Variants in FAM135B observed in about 807,000 individuals in gnomAD.
FAM135B encodes the protein protein FAM135B.
A neutral mutation model predicts 127.7 loss-of-function variants in FAM135B; 43 were observed. The ratio of observed to expected loss-of-function variants is 0.34; its 90% CI spans 0.26 to 0.43. The LOEUF (loss-of-function observed/expected upper bound fraction) is 0.43. Among genes scored for constraint, FAM135B ranks in the 20% least tolerant of loss-of-function variants. The probability of loss-of-function intolerance (pLI) is 1.00; values close to 1 mark genes in which losing one functional copy is unlikely to be tolerated. For synonymous variants in FAM135B, 670 were observed against 665.1 expected, an observed-to-expected ratio of 1.01 and a Z score of -0.11; for missense variants, 1,558 against 1,725.6, an observed-to-expected ratio of 0.90 and a Z score of 1.72.
intron 9 of FAM135B, among the ~76,000 whole-genome samples, chr8:138,182,194 G>A (rs1815112595): frequency 6.6e-6 from 1 of 152,202 alleles, no homozygotes; most frequent in African/African-American, 2.4e-5. Flanking sequence ...TCTTTGGGAG[G>A]ATTATGTTGC....
chr8:138,485,178 TAC>T (rs1385825621), intron 1 of FAM135B, among the ~76,000 whole-genome samples: 1 of 152,254 alleles, frequency 6.6e-6, no homozygotes, highest in Non-Finnish European at 1.5e-5. Context: ...CAGCAGAGTT[TAC>T]AGACTGTAAT....
At position 138,473,995 on chromosome 8, in the gene FAM135B, A is replaced by G. The variant is rs181514727; in HGVS notation, c.-20+22676T>C. ...TACATTTGTTTGTTATGCACACCAC[A>G]TAAAGATCAGCATTCCATCTTTCAT... is the stretch of plus-strand genomic sequence containing the variant. On this transcript the variant is annotated intron_variant, in intron 1 of 19. Coordinates refer to ENST00000395297, the MANE Select transcript of FAM135B (RefSeq NM_015912.4). Among the ~76,000 whole-genome samples the G allele has an allele frequency of 2.6e-5, 4 of 152,332 alleles. No individual in the cohort carries two copies. The East Asian group carries it at 7.7e-4, about 29-fold the overall frequency.
At chr8:138,253,641 C>T (rs892513948) in intron 5 of FAM135B, among the ~76,000 whole-genome samples, 6 of 152,204 alleles carry the variant, frequency 3.9e-5, no homozygotes, top group African/African-American at 1.4e-4. Context: ...TCCTCCCGAG[C>T]TGTGACAACC....
intron 1 of FAM135B, among the ~76,000 whole-genome samples, chr8:138,402,311 T>C (rs1833200282): frequency 6.6e-6 from 1 of 152,202 alleles, no homozygotes; most frequent in East Asian, 1.9e-4. Flanking sequence ...AAGGGATTTC[T>C]CAGTTTTTCG....
intron 1 of FAM135B, among the ~76,000 whole-genome samples, chr8:138,474,939 C>T (rs567161633): frequency 2.6e-5 from 4 of 152,246 alleles, no homozygotes; most frequent in East Asian, 1.9e-4. Flanking sequence ...CTTAACCACC[C>T]GGTTCATTGT....
At chr8:138,218,009 T>G (rs1016977459) in intron 7 of FAM135B, among the ~76,000 whole-genome samples, 7 of 152,220 alleles carry the variant, frequency 4.6e-5, no homozygotes, top group African/African-American at 1.7e-4. Flanking sequence ...AAACTATTAA[T>G]GGAAGTCATA....
In FAM135B at chr8:138,226,184, T is replaced by TGTGTGTGTGCGCGCGCGC; in HGVS notation, c.669+16757_669+16758insGCGCGCGCGCACACACAC. On this transcript the variant is annotated intron_variant, in intron 7 of 19. Coordinates refer to ENST00000395297, the MANE Select transcript of FAM135B (RefSeq NM_015912.4). ...GTGTGTGTGTGTGTGTGTGTGTGTG[T>TGTGTGTGTGCGCGCGCGC]GCGCGCATGTCATTTTTTTTTTCAT... Among the ~76,000 whole-genome samples, 460 of 139,274 alleles carry TGTGTGTGTGCGCGCGCGC rather than the reference T, an allele frequency of 3.3e-3. 3 individuals are homozygous for TGTGTGTGTGCGCGCGCGC. Among genetic ancestry groups the TGTGTGTGTGCGCGCGCGC allele is most frequent in the African/African-American group, 0.012 (438 of 37,284 alleles). The allele number at this position is 139,274 out of a possible 152,430, so 91.4% of individuals were successfully genotyped here. A position where few individuals can be genotyped will look rare whatever the true frequency, so the allele number is the denominator to read the frequency against.
intron 7 of FAM135B, among the ~76,000 whole-genome samples, chr8:138,221,807 C>G (rs1767214151): frequency 2.0e-5 from 3 of 152,154 alleles, no homozygotes; most frequent in African/African-American, 7.2e-5. Flanking sequence ...TAACCACATC[C>G]AATTACAAAG....
chr8:138,156,338 A>C (rs1163515667), intron 12 of FAM135B, among the ~76,000 whole-genome samples: 2 of 152,226 alleles, frequency 1.3e-5, no homozygotes, highest in Non-Finnish European at 2.9e-5. Flanking sequence ...CCACAAGAGA[A>C]AGCAGGAAAG....
chr8:138,203,922 C>T lies in FAM135B; in HGVS notation c.670-6253G>A, dbSNP rs565398200. ...TAGATTCTCATAAGGAATGGGCAACCTAGATCCCTCCCATGTACAGTTCAC... is the reference window on the plus strand; with the variant it reads ...TAGATTCTCATAAGGAATGGGCAACTTAGATCCCTCCCATGTACAGTTCAC... On this transcript the variant is annotated intron_variant, in intron 7 of 19. Coordinates refer to ENST00000395297, the MANE Select transcript of FAM135B (RefSeq NM_015912.4). Among the ~76,000 whole-genome samples the T allele has an allele frequency of 7.2e-5, 11 of 152,254 alleles. No individual in the cohort carries two copies. In the East Asian group the frequency reaches 2.1e-3, roughly 29 times the overall value.
At chr8:138,409,394 G>C (rs888727783) in intron 1 of FAM135B, among the ~76,000 whole-genome samples, 1 of 152,068 alleles carries the variant, frequency 6.6e-6, no homozygotes, top group African/African-American at 2.4e-5. Context: ...ACTAATCATG[G>C]ATCACCGCAG....
At chr8:138,367,856 A>C in intron 2 of FAM135B, 51 bp downstream of exon 2, 1 of 1,364,274 alleles carries the variant, frequency 7.3e-7, no homozygotes, top group South Asian at 1.2e-5. Context: ...GGAAAGAAAC[A>C]AACAACACAC....
chr8:138,442,174 C>G (rs1835813149), intron 1 of FAM135B, among the ~76,000 whole-genome samples: 1 of 137,336 alleles, frequency 7.3e-6, no homozygotes, highest in Non-Finnish European at 1.5e-5. Context: ...TAGAATACAG[C>G]TTGTCTTAGC....
At chr8:138,354,835 G>A (rs971820759) in intron 2 of FAM135B, among the ~76,000 whole-genome samples, 6 of 152,086 alleles carry the variant, frequency 3.9e-5, no homozygotes, top group African/African-American at 1.2e-4. Flanking sequence ...GGAAAACATC[G>A]GCAAGAAGTG....
intron 7 of FAM135B, among the ~76,000 whole-genome samples, chr8:138,239,653 A>T (rs1820575675): frequency 6.6e-6 from 1 of 152,212 alleles, no homozygotes; most frequent in African/African-American, 2.4e-5. Context: ...TACTGGGTAT[A>T]TACCCAAAGG....
intron 1 of FAM135B, among the ~76,000 whole-genome samples, chr8:138,389,292 T>C (rs1315534056): frequency 6.6e-6 from 1 of 152,186 alleles, no homozygotes; most frequent in Non-Finnish European, 1.5e-5. Flanking sequence ...GACCCAGCAA[T>C]CCCATTCTGG....
intron 1 of FAM135B, among the ~76,000 whole-genome samples, chr8:138,452,156 G>A: frequency 8.1e-6 from 1 of 124,204 alleles, no homozygotes. Context: ...TTGAGATGGA[G>A]TCTTGCTCTG....
At chr8:138,465,247 G>C (rs1837324143) in intron 1 of FAM135B, among the ~76,000 whole-genome samples, 1 of 152,168 alleles carries the variant, frequency 6.6e-6, no homozygotes, top group Admixed American at 6.5e-5. Context: ...AAGGTCATCT[G>C]CCAATTGCCC....
chr8:138,238,705 T>C (rs1040201059), intron 7 of FAM135B, among the ~76,000 whole-genome samples: 3 of 152,238 alleles, frequency 2.0e-5, no homozygotes, highest in African/African-American at 4.8e-5. Flanking sequence ...CGGATTCCAA[T>C]GTTATTTGTT....
Sources: allele counts gnomAD v4.1 joint callset (sites outside exome capture counted in the v4.1 genomes callset), GRCh38; gene constraint gnomAD v4.1.1; transcripts MANE v1.5; gene names NCBI Gene and HGNC (gene_info 2026-07-23, HGNC 2026-07-21).